Variants in CHUK observed in about 807,000 individuals in gnomAD.
The protein encoded by CHUK is inhibitor of nuclear factor kappa-B kinase subunit alpha.
CHUK carries 35 observed loss-of-function variants against 104.8 expected under a neutral mutation model. The ratio of observed to expected loss-of-function variants is 0.33; its 90% CI spans 0.26 to 0.44. CHUK has a LOEUF of 0.44. CHUK is among the 20% of genes least tolerant of loss of function. CHUK has a pLI of 1.00. For synonymous variants in CHUK, 276 were observed against 291.9 expected (o/e 0.95, Z 0.56); for missense variants, 663 against 902.7 (o/e 0.73, Z 3.40).
rs747424746 is a variant in CHUK at position 100,193,372 on chromosome 10, C to T, written c.2034G>A (p.Gln678=). Residue 678 remains glutamine (Q), a synonymous_variant, in exon 19 of 21, where the codon CAG becomes CAA. Transcript: ENST00000370397. ...GSSLEGAVTP[Q]TSAWLPPTSA... ...AAGTCGGGGGCAGCCATGCTGATGT[C>T]TGAGGGGTTACTGCACCTTCTAGAC... 1.9e-6 allele frequency: 3 copies of T among 1,614,116 alleles called. No individual in the cohort carries two copies. The highest frequency in any genetic ancestry group is 2.5e-6 in the Non-Finnish European group (3 of 1,179,990).
intron 2 of CHUK, among the ~76,000 whole-genome samples, chr10:100,223,809 T>C (rs1846043212): frequency 1.3e-5 from 2 of 152,212 alleles, no homozygotes; most frequent in Admixed American, 1.3e-4. Flanking sequence ...AGCTATGTGA[T>C]TCTATAAGCT....
At chr10:100,204,762 A>G in intron 12 of CHUK, 105 bp from the exon 13 acceptor site, 1 of 929,470 alleles carries the variant, frequency 1.1e-6, no homozygotes, top group South Asian at 1.5e-5. Context: ...GCCAAAGCCT[A>G]AGTTTCTATT....
intron 2 of CHUK, among the ~76,000 whole-genome samples, chr10:100,223,549 G>A (rs764242135): frequency 1.3e-4 from 19 of 151,952 alleles, no homozygotes; most frequent in Non-Finnish European, 2.5e-4. Flanking sequence ...GAGGTGGGAG[G>A]ACTGCTTGAG....
intron 13 of CHUK, among the ~76,000 whole-genome samples, chr10:100,203,908 C>T (rs1390656519): frequency 6.6e-6 from 1 of 152,154 alleles, no homozygotes; most frequent in Admixed American, 6.5e-5. Context: ...GCCATAAAAA[C>T]AACAGAAATT....
intron 20 of CHUK, chr10:100,189,913 C>A (rs1373060834): frequency 5.9e-6 from 2 of 339,332 alleles, no homozygotes; most frequent in Non-Finnish European, 1.1e-5. Flanking sequence ...CAAGTCCAAT[C>A]ATAATGCACT....
In CHUK at chr10:100,218,821, C is replaced by T; in HGVS notation, c.694G>A (p.Glu232Lys). The T allele has an allele frequency of 6.2e-7, 1 of 1,611,718 alleles. No homozygotes were observed. The highest frequency in any genetic ancestry group is 8.5e-7 in the Non-Finnish European group (1 of 1,177,944). Residue 232 changes from glutamate (E) to lysine (K), a missense_variant, in exon 8 of 21, where the codon GAG (glutamate) becomes AAG (lysine). Glu to Lys is a moderately conservative substitution (Grantham distance 56). Coordinates refer to ENST00000370397, the MANE Select transcript of CHUK (RefSeq NM_001278.5). Reference sequence around the variant, plus strand: ...TTTGGATCCTTCTTCTTAATCTTCTCATGCCTATAAAATCAAAAGCTACCT... The same window carrying T: ...TTTGGATCCTTCTTCTTAATCTTCTTATGCCTATAAAATCAAAAGCTACCT... The part of the protein sequence containing the change: ...LHHLQPFTWH[E>K]KIKKKDPKCI...
At chr10:100,201,433 G>C (rs1845459560) in intron 14 of CHUK, among the ~76,000 whole-genome samples, 1 of 152,154 alleles carries the variant, frequency 6.6e-6, no homozygotes, top group Non-Finnish European at 1.5e-5. Flanking sequence ...TATAAACTGG[G>C]ACAGTCCCAG....
intron 5 of CHUK, among the ~76,000 whole-genome samples, chr10:100,219,598 A>G (rs1486346376): frequency 6.6e-6 from 1 of 152,204 alleles, no homozygotes; most frequent in Admixed American, 6.5e-5. Flanking sequence ...CAGAATTGTT[A>G]TTAGGATCCA....
At chr10:100,225,024 AT>A (rs1846074590) in intron 2 of CHUK, among the ~76,000 whole-genome samples, 1 of 151,380 alleles carries the variant, frequency 6.6e-6, no homozygotes, top group Admixed American at 6.6e-5. Flanking sequence ...TAGTTTTTAT[AT>A]TTTTTGTAGA....
Position 100,207,124 on chromosome 10 carries a change from G to C in CHUK, c.1231+106C>G. 20 of 715,108 alleles carry C rather than the reference G, an allele frequency of 2.8e-5. No homozygotes were observed. In the South Asian group the frequency reaches 2.9e-4, roughly 10 times the overall value. 44.3% of individuals were successfully genotyped at this position (715,108 alleles called of 1,614,324 possible). ...AACTCCATATAGAAACTTCAAGTAT[G>C]AGATACAGAACACAACACCAAAAGT... On this transcript the variant is annotated intron_variant, in intron 11 of 20. Coordinates refer to ENST00000370397, the MANE Select transcript of CHUK (RefSeq NM_001278.5).
chr10:100,199,995 T>C lies in CHUK; in HGVS notation c.1705A>G (p.Lys569Glu), dbSNP rs1339440146. The C allele has an allele frequency of 1.2e-6, 2 of 1,612,886 alleles. No homozygotes were observed. ...SLEQRAIDLY[K>E]QLKHRPSDHS... The stretch of plus-strand genomic sequence containing the variant: ...CCTGAAGGTCTGTGTTTTAACTGCT[T>C]ATATAGATCAATGGCACGCTGTTCC... The change falls in exon 16 of 21, where the codon AAG becomes GAG. Residue 569 changes from lysine (K) to glutamate (E), a missense_variant. Physicochemically the swap from Lys to Glu is moderately conservative, Grantham distance 56. Coordinates refer to ENST00000370397, the MANE Select transcript of CHUK (RefSeq NM_001278.5).
chr10:100,215,893 A>T (rs560834386), intron 9 of CHUK, among the ~76,000 whole-genome samples: 1 of 152,302 alleles, frequency 6.6e-6, no homozygotes, highest in East Asian at 1.9e-4. Flanking sequence ...AAAAACTCTC[A>T]TTCTTCAAAA....
chr10:100,215,000 C>T (rs996127677), intron 9 of CHUK, among the ~76,000 whole-genome samples: 6 of 151,738 alleles, frequency 4.0e-5, no homozygotes, highest in African/African-American at 1.2e-4. Flanking sequence ...TTTGGAAGGC[C>T]GAGGTGAGCA....
At chr10:100,187,137 C>T (rs1185153072), downstream of CHUK, 1 of 152,258 alleles carries the variant, frequency 6.6e-6, no homozygotes, top group Non-Finnish European at 1.5e-5. Context: ...GGTTCCGGTC[C>T]GCGGCCCAGG....
intron 9 of CHUK, among the ~76,000 whole-genome samples, chr10:100,213,936 T>A (rs1845793776): frequency 6.6e-6 from 1 of 152,222 alleles, no homozygotes; most frequent in South Asian, 2.1e-4. Flanking sequence ...ATTAAGAGAC[T>A]TTTCTTTAAT....
intron 8 of CHUK, 75 bp from the exon 9 acceptor site, chr10:100,218,205 T>A: frequency 7.6e-7 from 1 of 1,316,132 alleles, no homozygotes; most frequent in Non-Finnish European, 1.1e-6. Context: ...AGAAAGGTAA[T>A]TTTGCAGGTT....
At chr10:100,223,510 T>A (rs1846036326) in intron 2 of CHUK, among the ~76,000 whole-genome samples, 1 of 151,984 alleles carries the variant, frequency 6.6e-6, no homozygotes, top group South Asian at 2.1e-4. Context: ...TGGTGGCGCA[T>A]GCCTATAGTC....
intron 2 of CHUK, among the ~76,000 whole-genome samples, chr10:100,223,977 G>A (rs72840048): frequency 4.4e-4 from 67 of 152,328 alleles, no homozygotes; most frequent in Admixed American, 1.4e-3. Flanking sequence ...AATGTAGGCT[G>A]TACTTAGTGA....
chr10:100,219,844 A>C (rs1845944962), intron 5 of CHUK, among the ~76,000 whole-genome samples: 1 of 139,300 alleles, frequency 7.2e-6, no homozygotes, highest in African/African-American at 2.8e-5. Context: ...TCTTTGGATT[A>C]AAAAAAAAAA....
Sources: gnomAD v4.1 joint callset for allele counts (sites outside exome capture counted in the v4.1 genomes callset) on GRCh38, gnomAD v4.1.1 for gene constraint, MANE v1.5 for transcripts, NCBI Gene and HGNC (gene_info 2026-07-23, HGNC 2026-07-21) for gene names.